The following CSMD1 variants were observed in gnomAD, a reference collection of about 807,000 sequenced individuals.
CSMD1 encodes the protein CUB and sushi domain-containing protein 1.
CSMD1 carries 213 observed loss-of-function variants against 417.5 expected under a neutral mutation model. The ratio of observed to expected loss-of-function variants is 0.51; its 90% CI spans 0.46 to 0.57. The LOEUF (loss-of-function observed/expected upper bound fraction) is 0.57. Ranked by LOEUF, CSMD1 falls within the 20% of genes least tolerant of loss-of-function variation. CSMD1 has a pLI of 0.00. For missense variants in CSMD1, 6,923 were observed against 4,529.7 expected, an observed-to-expected ratio of 1.53 and a Z score of -15.17; for synonymous variants, 2,862 against 1,736.8, an observed-to-expected ratio of 1.65 and a Z score of -16.11.
intron 3 of CSMD1, among the ~76,000 whole-genome samples, chr8:4,313,038 T>G (rs1214868046): frequency 6.6e-6 from 1 of 152,146 alleles, no homozygotes; most frequent in East Asian, 1.9e-4. Context: ...CATAAATTTC[T>G]ATAGAATAAA....
chr8:3,030,897 C>A (rs188697354), intron 50 of CSMD1, among the ~76,000 whole-genome samples: 1 of 151,860 alleles, frequency 6.6e-6, no homozygotes, highest in African/African-American at 2.4e-5. Context: ...TAAAAATATA[C>A]AGAAAAATGT....
chr8:4,260,881 C>T (rs1023446101), intron 3 of CSMD1, among the ~76,000 whole-genome samples: 6 of 152,086 alleles, frequency 3.9e-5, no homozygotes, highest in African/African-American at 1.4e-4. Flanking sequence ...TAATCTTTGT[C>T]GTGTTTGATA....
chr8:3,452,178 C>G (rs1167390663), intron 12 of CSMD1, among the ~76,000 whole-genome samples: 1 of 152,194 alleles, frequency 6.6e-6, no homozygotes, highest in Non-Finnish European at 1.5e-5. Flanking sequence ...TATCCTGAGA[C>G]TTTGCTAAAG....
At chr8:4,018,360 G>A (rs536741156) in intron 4 of CSMD1, among the ~76,000 whole-genome samples, 13 of 152,188 alleles carry the variant, frequency 8.5e-5, no homozygotes, top group East Asian at 1.9e-4. Flanking sequence ...AAATAATGCC[G>A]AGGAGCTGCC....
chr8:4,027,969 C>T (rs1398844366), intron 4 of CSMD1, among the ~76,000 whole-genome samples: 1 of 151,808 alleles, frequency 6.6e-6, no homozygotes, highest in Non-Finnish European at 1.5e-5. Context: ...TTTAGGATGC[C>T]CAATGGCACT....
In CSMD1 at chr8:3,302,523, A is replaced by G. The variant is rs117453489; in HGVS notation, c.3950+5172T>C. Reference sequence around the variant, plus strand: ...CTTCTCATTTCTTCCCTGCATGTCTATCTTTTCTGGGCAATTCCTTCTTTG... The same window carrying G: ...CTTCTCATTTCTTCCCTGCATGTCTGTCTTTTCTGGGCAATTCCTTCTTTG... On this transcript the variant is annotated intron_variant, in intron 25 of 69. Coordinates refer to ENST00000635120, the MANE Select transcript of CSMD1 (RefSeq NM_033225.6). Among the ~76,000 whole-genome samples, 1,097 of 152,266 alleles carry G rather than the reference A, an allele frequency of 7.2e-3. 11 individuals carry two copies. The highest frequency in any genetic ancestry group is 0.052 in the East Asian group (267 of 5,178).
At chr8:3,898,407 C>T (rs1454950455) in intron 5 of CSMD1, among the ~76,000 whole-genome samples, 2 of 152,072 alleles carry the variant, frequency 1.3e-5, no homozygotes, top group Admixed American at 6.6e-5. Flanking sequence ...TAATCAAGTG[C>T]CATTATAAAG....
At chr8:4,171,916 A>C (rs560283399) in intron 3 of CSMD1, among the ~76,000 whole-genome samples, 20 of 152,266 alleles carry the variant, frequency 1.3e-4, no homozygotes, top group Non-Finnish European at 1.3e-4. Flanking sequence ...TACATAAATT[A>C]TGTTTCTCGC....
intron 1 of CSMD1, among the ~76,000 whole-genome samples, chr8:4,754,106 G>A (rs772612590): frequency 1.5e-4 from 23 of 152,090 alleles, no homozygotes; most frequent in Admixed American, 2.6e-4. Context: ...TGAATCGTAT[G>A]TTACATTAAA....
chr8:4,185,524 G>A (rs1325812715), intron 3 of CSMD1, among the ~76,000 whole-genome samples: 1 of 151,942 alleles, frequency 6.6e-6, no homozygotes, highest in Non-Finnish European at 1.5e-5. Flanking sequence ...TAATACAAGT[G>A]GGCATAAAGA....
intron 5 of CSMD1, among the ~76,000 whole-genome samples, chr8:3,906,915 G>C (rs951789191): frequency 1.3e-5 from 2 of 152,152 alleles, no homozygotes; most frequent in African/African-American, 4.8e-5. Context: ...TCCTGAACTT[G>C]ACAAGTGAAC....
chr8:4,660,153 A>C lies in CSMD1; in HGVS notation c.86-22595T>G, dbSNP rs185198591. Reference sequence around the variant, plus strand: ...AAGGAACGAAATAAAATTTATATACATCTGAAAGGGAGAAATAAAACTGTC... The same window carrying C: ...AAGGAACGAAATAAAATTTATATACCTCTGAAAGGGAGAAATAAAACTGTC... On this transcript the variant is annotated intron_variant, in intron 1 of 69. Transcript: ENST00000635120. Among the ~76,000 whole-genome samples the C allele has an allele frequency of 6.3e-3, 958 of 151,448 alleles. 5 individuals are homozygous for C. Among genetic ancestry groups the C allele is most frequent in the Non-Finnish European group, 9.8e-3 (668 of 67,844 alleles).
At position 3,434,075 on chromosome 8, in the gene CSMD1, G is replaced by C. The variant is rs76065780; in HGVS notation, c.1562-24470C>G. On this transcript the variant is annotated intron_variant, in intron 12 of 69. Coordinates refer to ENST00000635120, the MANE Select transcript of CSMD1 (RefSeq NM_033225.6). Reference sequence around the variant, plus strand: ...GGCATTCTTTGATTATGAGACCTGAGGTCTTAGTAGCATCTGATGCTTTCC... The same window carrying C: ...GGCATTCTTTGATTATGAGACCTGACGTCTTAGTAGCATCTGATGCTTTCC... Among the ~76,000 whole-genome samples the C allele has an allele frequency of 2.0e-5, 3 of 152,272 alleles. No individual in the cohort carries two copies. In the East Asian group the frequency reaches 5.8e-4, roughly 29 times the overall value.
intron 54 of CSMD1, among the ~76,000 whole-genome samples, chr8:2,992,484 C>A (rs547400702): frequency 2.4e-4 from 36 of 151,954 alleles, no homozygotes; most frequent in African/African-American, 8.7e-4. Context: ...AGTGCAGTGG[C>A]GTGATCTTGG....
At chr8:3,957,289 G>A (rs939152582) in intron 5 of CSMD1, among the ~76,000 whole-genome samples, 1 of 152,144 alleles carries the variant, frequency 6.6e-6, no homozygotes, top group Non-Finnish European at 1.5e-5. Context: ...GTACTTTTGT[G>A]CCCTCAGAAA....
At chr8:3,490,000 T>C (rs1818278697) in intron 11 of CSMD1, among the ~76,000 whole-genome samples, 1 of 152,218 alleles carries the variant, frequency 6.6e-6, no homozygotes, top group Non-Finnish European at 1.5e-5. Flanking sequence ...ATTTCTCCAA[T>C]TAGATGATAG....
rs577363732 is a variant in CSMD1, at chr8:4,116,300, A to G, written c.416-84201T>C. 9.9e-5 allele frequency among the ~76,000 whole-genome samples: 15 copies of G among 152,242 alleles called. No homozygotes were observed. The South Asian group carries it at 2.5e-3, about 25-fold the overall frequency. ...TGAGCCACCGCACCCAACATAAAAT[A>G]GAATCTTTAGGACGGTGAAACCACT... On this transcript the variant is annotated intron_variant, in intron 3 of 69. Transcript: ENST00000635120.
chr8:3,806,323 T>C (rs80031524), intron 5 of CSMD1, among the ~76,000 whole-genome samples: 2,285 of 152,284 alleles, frequency 0.015, 58 homozygotes, highest in African/African-American at 0.051. Flanking sequence ...GGGTAATTAA[T>C]AGATTCTTTA....
chr8:3,261,567 C>CT (rs1801060045), intron 26 of CSMD1, among the ~76,000 whole-genome samples: 1 of 152,104 alleles, frequency 6.6e-6, no homozygotes, highest in Non-Finnish European at 1.5e-5. Flanking sequence ...CACAGCTGTA[C>CT]TCATAGGAGT....
Sources: gnomAD v4.1 joint callset for allele counts (sites outside exome capture counted in the v4.1 genomes callset) on GRCh38, gnomAD v4.1.1 for gene constraint, MANE v1.5 for transcripts, NCBI Gene and HGNC (gene_info 2026-07-23, HGNC 2026-07-21) for gene names.